KIRREL3: variants seen among roughly 807,000 people sequenced by gnomAD.
The protein encoded by KIRREL3 is kin of IRRE-like protein 3.
Under a neutral mutation model 89.7 loss-of-function variants are expected in KIRREL3, and 36 were observed. That is an observed-to-expected ratio of 0.40 (90% CI 0.31 to 0.53). The LOEUF is 0.53. Ranked by LOEUF, KIRREL3 falls within the 20% of genes least tolerant of loss-of-function variation. The probability of loss-of-function intolerance (pLI) is 0.49; values close to 1 mark genes in which losing one functional copy is unlikely to be tolerated. For synonymous variants in KIRREL3, 445 were observed against 441.4 expected (o/e 1.01, Z -0.10); for missense variants, 864 against 1,056.6 (o/e 0.82, Z 2.53).
At chr11:126,659,337 C>T (rs1945291070) in intron 1 of KIRREL3, among the ~76,000 whole-genome samples, 1 of 152,170 alleles carries the variant, frequency 6.6e-6, no homozygotes, top group Non-Finnish European at 1.5e-5. Flanking sequence ...TCATATTGAA[C>T]ACTTATCATA....
At chr11:126,863,402 C>CGTGT (rs1411591323) in intron 1 of KIRREL3, among the ~76,000 whole-genome samples, 1 of 118,500 alleles carries the variant, frequency 8.4e-6, no homozygotes, top group African/African-American at 2.9e-5. Context: ...TGTGTGAGTG[C>CGTGT]GTGAGTGCGT....
intron 1 of KIRREL3, among the ~76,000 whole-genome samples, chr11:126,839,295 G>A (rs192549165): frequency 6.6e-6 from 1 of 152,306 alleles, no homozygotes; most frequent in East Asian, 1.9e-4. Context: ...TCTTTTGGGG[G>A]AGGAAGATAA....
chr11:126,964,379 A>C (rs1409698598), intron 1 of KIRREL3, among the ~76,000 whole-genome samples: 1 of 152,148 alleles, frequency 6.6e-6, no homozygotes, highest in Non-Finnish European at 1.5e-5. Flanking sequence ...CTTCTCCCCC[A>C]TAGATAGATA....
intron 1 of KIRREL3, among the ~76,000 whole-genome samples, chr11:126,871,128 A>G (rs115364252): frequency 3.5e-4 from 53 of 152,324 alleles, no homozygotes; most frequent in African/African-American, 1.2e-3. Flanking sequence ...TCATCCCTCA[A>G]ACAGCGGTGT....
In KIRREL3 at chr11:126,570,210, T is replaced by C. The variant is rs963585142; in HGVS notation, c.56-7298A>G. On this transcript the variant is annotated intron_variant, in intron 1 of 16. Coordinates refer to ENST00000525144, the MANE Select transcript of KIRREL3 (RefSeq NM_032531.4). The surrounding 1 kb of genome is among the most constrained non-coding windows in gnomAD (Gnocchi z 6.1). Reference sequence around the variant, plus strand: ...TAATTCTAAGTTTACTAAATAACTATAAACTTTACGTTGTTGTAAAGACAT... The same window carrying C: ...TAATTCTAAGTTTACTAAATAACTACAAACTTTACGTTGTTGTAAAGACAT... Among the ~76,000 whole-genome samples the C allele has an allele frequency of 1.3e-5, 2 of 152,232 alleles. No individual in the cohort carries two copies. The highest frequency in any genetic ancestry group is 4.8e-5 in the African/African-American group (2 of 41,462).
rs1947106239 is a variant in KIRREL3 at position 126,917,946 on chromosome 11, G to A, written c.55+82509C>T. Among the ~76,000 whole-genome samples the A allele has an allele frequency of 6.6e-6, 1 of 152,176 alleles. No individual in the cohort carries two copies. Among genetic ancestry groups the A allele is most frequent in the South Asian group, 2.1e-4 (1 of 4,830 alleles). ...GGTGTGTGATGACACATCTTACAGT[G>A]ATGGAGCAGAATTTAGATGCTGTGA... On this transcript the variant is annotated intron_variant, in intron 1 of 16. Transcript: ENST00000525144. This position sits in a 1 kb window ranked among gnomAD's most constrained non-coding sequence, Gnocchi z 5.0.
chr11:126,847,029 A>G (rs1178958402), intron 1 of KIRREL3, among the ~76,000 whole-genome samples: 1 of 152,204 alleles, frequency 6.6e-6, no homozygotes, highest in African/African-American at 2.4e-5. Context: ...ACAAAGGGTT[A>G]TAAAAGGTTT....
At chr11:126,711,011 G>A (rs115320878) in intron 1 of KIRREL3, among the ~76,000 whole-genome samples, 1,631 of 152,290 alleles carry the variant, frequency 0.011, 21 homozygotes, top group African/African-American at 0.038. Context: ...CTTGGGGCAA[G>A]GAGAACTAAG....
In KIRREL3 at chr11:126,685,327, G is replaced by A. The variant is rs1946626714; in HGVS notation, c.56-122415C>T. On this transcript the variant is annotated intron_variant, in intron 1 of 16. Coordinates refer to ENST00000525144, the MANE Select transcript of KIRREL3 (RefSeq NM_032531.4). The surrounding 1 kb of genome is among the most constrained non-coding windows in gnomAD (Gnocchi z 5.5). The stretch of plus-strand genomic sequence containing the variant: ...GCCTGCCTCACACCCAGCACTGGGT[G>A]GGTTTTGTGCAGGAGAACTTCTTGC... 6.6e-6 allele frequency among the ~76,000 whole-genome samples: 1 copy of A among 152,090 alleles called. No individual in the cohort carries two copies. The highest frequency in any genetic ancestry group is 2.4e-5 in the African/African-American group (1 of 41,418).
Position 126,921,545 on chromosome 11 carries a change from TTCTATCTATATCTATCAA to T in KIRREL3, c.55+78892_55+78909del, listed in dbSNP as rs1947293007. On this transcript the variant is annotated intron_variant, in intron 1 of 16. Transcript: ENST00000525144. ...TCTGTCTGTCTGTCTTTCTTTTTCT[TTCTATCTATATCTATCAA>T]TCTATCTATATCTGTCTTCTATCTA... is the stretch of plus-strand genomic sequence containing the variant. Among the ~76,000 whole-genome samples the T allele has an allele frequency of 1.5e-5, 2 of 131,440 alleles. 1 individual carries two copies. The highest frequency in any genetic ancestry group is 3.5e-5 in the Non-Finnish European group (2 of 57,588). 86.2% of individuals were successfully genotyped at this position (131,440 alleles called of 152,430 possible).
intron 1 of KIRREL3, among the ~76,000 whole-genome samples, chr11:126,634,588 C>T (rs12287116): frequency 0.023 from 3,573 of 152,230 alleles, 40 homozygotes; most frequent in Middle Eastern, 0.089. Context: ...GGAAATGAAG[C>T]TTGACTCTTG....
rs200822611 is a variant in KIRREL3 at position 126,424,867 on chromosome 11, C to T, written c.2050G>A (p.Gly684Ser). 6.5e-5 allele frequency: 105 copies of T among 1,613,800 alleles called. No individual in the cohort carries two copies. The highest frequency in any genetic ancestry group is 1.7e-4 in the Middle Eastern group (1 of 6,060). ...CCGTAGTCGTAGAGGCGGCCCTGGC[C>T]GCTCAGGGTGCTGTAGATGTTGGTG... The part of the protein sequence containing the change: ...SFTNIYSTLS[G>S]QGRLYDYGQR... The change falls in exon 17 of 17, where the codon GGC (glycine) becomes AGC (serine). Residue 684 changes from glycine to serine, a missense_variant. By Grantham distance (56) the Gly-to-Ser change is moderately conservative. Transcript: ENST00000525144.
In KIRREL3 at chr11:126,690,923, G is replaced by T. The variant is rs554541487; in HGVS notation, c.56-128011C>A. On this transcript the variant is annotated intron_variant, in intron 1 of 16. Coordinates refer to ENST00000525144, the MANE Select transcript of KIRREL3 (RefSeq NM_032531.4). ...CTTCACACTGTGCGAAGTCAGTTACGTGTGTGGCAAAGAACTTGCCTTGGT... is the reference window on the plus strand; with the variant it reads ...CTTCACACTGTGCGAAGTCAGTTACTTGTGTGGCAAAGAACTTGCCTTGGT... Among the ~76,000 whole-genome samples the T allele has an allele frequency of 3.3e-5, 5 of 152,280 alleles. No homozygotes were observed. The South Asian group carries it at 8.3e-4, about 25-fold the overall frequency.
intron 1 of KIRREL3, among the ~76,000 whole-genome samples, chr11:126,825,388 A>C (rs780333597): frequency 3.3e-5 from 5 of 152,244 alleles, no homozygotes; most frequent in Non-Finnish European, 7.3e-5. Flanking sequence ...TACAATTATA[A>C]AAATATTAAA....
Position 126,519,922 on chromosome 11 carries a change from A to C in KIRREL3, c.433+1393T>G, listed in dbSNP as rs1011760633. The stretch of plus-strand genomic sequence containing the variant: ...TCCTCGGAAGGCCCGCTTCCCGGCC[A>C]TGGAATCCCAACTTATTTACCCCCG... On this transcript the variant is annotated intron_variant, in intron 4 of 16. Coordinates refer to ENST00000525144, the MANE Select transcript of KIRREL3 (RefSeq NM_032531.4). This position sits in a 1 kb window ranked among gnomAD's most constrained non-coding sequence, Gnocchi z 4.3. 2.0e-5 allele frequency among the ~76,000 whole-genome samples: 3 copies of C among 152,100 alleles called. No homozygotes were observed. Among genetic ancestry groups the C allele is most frequent in the Non-Finnish European group, 2.9e-5 (2 of 68,010 alleles).
At position 126,435,265 on chromosome 11, in the gene KIRREL3, T is replaced by C. The variant is rs1415686257; in HGVS notation, c.1588+3A>G. ...GGGCCATTCTCATCATCTCCTTCCG[T>C]ACCTGCTTCCAGCCCGGCTCCCGAC... On this transcript the variant is annotated splice_donor_region_variant and intron_variant, in intron 13 of 16. Coordinates refer to ENST00000525144, the MANE Select transcript of KIRREL3 (RefSeq NM_032531.4). The C allele has an allele frequency of 6.2e-7, 1 of 1,613,700 alleles. No homozygotes were observed. The highest frequency in any genetic ancestry group is 8.5e-7 in the Non-Finnish European group (1 of 1,179,778).
Position 126,772,337 on chromosome 11 carries a change from C to T in KIRREL3, c.56-209425G>A, listed in dbSNP as rs930222197. 1.3e-5 allele frequency among the ~76,000 whole-genome samples: 2 copies of T among 152,170 alleles called. No individual in the cohort carries two copies. The highest frequency in any genetic ancestry group is 1.3e-4 in the Admixed American group (2 of 15,286). On this transcript the variant is annotated intron_variant, in intron 1 of 16. Transcript: ENST00000525144. This position sits in a 1 kb window ranked among gnomAD's most constrained non-coding sequence, Gnocchi z 4.6. Reference sequence around the variant, plus strand: ...AAATTCAAGGCAGCTAAGACCGGTTCAGGGACAGAGAACAGCAAGTGACAG... The same window carrying T: ...AAATTCAAGGCAGCTAAGACCGGTTTAGGGACAGAGAACAGCAAGTGACAG...
intron 1 of KIRREL3, among the ~76,000 whole-genome samples, chr11:126,907,991 T>G (rs1946654752): frequency 6.6e-6 from 1 of 152,180 alleles, no homozygotes. Flanking sequence ...AAGGCTTTCT[T>G]GACCACCTGT....
rs550107696 is a variant in KIRREL3 at position 126,972,617 on chromosome 11, C to T, written c.55+27838G>A. On this transcript the variant is annotated intron_variant, in intron 1 of 16. Transcript: ENST00000525144. ...ACGGTCTGGGATATTATTTAGGCCA[C>T]CACAGAGCCTGGCTCCTCAGCTCTT... Among the ~76,000 whole-genome samples the T allele has an allele frequency of 5.3e-5, 8 of 152,324 alleles. No homozygotes were observed. In the South Asian group the frequency reaches 6.2e-4, roughly 12 times the overall value.
Sources: allele counts gnomAD v4.1 joint callset (sites outside exome capture counted in the v4.1 genomes callset), GRCh38; gene constraint gnomAD v4.1.1; non-coding constraint Gnocchi (gnomAD v3.1); transcripts MANE v1.5; gene names NCBI Gene and HGNC (gene_info 2026-07-23, HGNC 2026-07-21).